Variants in SLC45A2 observed in about 807,000 individuals in gnomAD.
SLC45A2 encodes solute carrier family 45 member 2.
Under a neutral mutation model 45.5 loss-of-function variants are expected in SLC45A2, and 36 were observed. The observed-to-expected ratio is 0.79, with a 90% CI of 0.61 to 1.04. The LOEUF is 1.04. Ranked by LOEUF, SLC45A2 falls within the 50% of genes least tolerant of loss-of-function variation. SLC45A2 has a pLI of 0.00. For missense variants in SLC45A2, 719 were observed against 671.0 expected, an observed-to-expected ratio of 1.07 and a Z score of -0.79; for synonymous variants, 306 against 269.3, an observed-to-expected ratio of 1.14 and a Z score of -1.33.
intron 3 of SLC45A2, among the ~76,000 whole-genome samples, chr5:33,957,431 G>A (rs544558294): frequency 1.3e-5 from 2 of 152,064 alleles, no homozygotes; most frequent in South Asian, 4.1e-4. Context: ...TAATTTTGTT[G>A]TGTAAGTTGA....
In SLC45A2 at chr5:33,982,323, T is replaced by G; in HGVS notation, c.475A>C (p.Ile159Leu). ...AAGTAGGCTTTGATGGGCCCATCAA[T>G]GAAGTCGGCAGCAAAATCAAAGAGA... is the stretch of plus-strand genomic sequence containing the variant. Reference protein sequence around the residue: ...VVLFDFAADFIDGPIKAYLFD... With the variant: ...VVLFDFAADFLDGPIKAYLFD... Residue 159 changes from isoleucine (I) to leucine (L), a missense_variant, in exon 2 of 7, where the codon ATT (isoleucine) becomes CTT (leucine). By Grantham distance (5) the Ile-to-Leu change is conservative (BLOSUM62 2). Coordinates refer to ENST00000296589, the MANE Select transcript of SLC45A2 (RefSeq NM_016180.5). 1 of 1,614,156 alleles carries G rather than the reference T, an allele frequency of 6.2e-7. No homozygotes were observed. The highest frequency in any genetic ancestry group is 8.5e-7 in the Non-Finnish European group (1 of 1,180,024).
intron 5 of SLC45A2, chr5:33,951,320 G>C: frequency 8.6e-7 from 1 of 1,156,408 alleles, no homozygotes; most frequent in Non-Finnish European, 1.2e-6. Context: ...ACTTGATCAG[G>C]AACCCACTGA....
Position 33,984,310 on chromosome 5 carries a change from T to C in SLC45A2, c.274A>G (p.Ser92Gly), listed in dbSNP as rs755311638. The C allele has an allele frequency of 4.0e-5, 64 of 1,613,978 alleles. No homozygotes were observed. The highest frequency in any genetic ancestry group is 1.6e-4 in the Middle Eastern group (1 of 6,084). Residue 92 changes from serine (S) to glycine (G), a missense_variant, in exon 1 of 7, where the codon AGC becomes GGC. Ser to Gly is a moderately conservative substitution (Grantham distance 56). Transcript: ENST00000296589. ...FLLQPVVGSA[S>G]DHCRSRWGRR... is the part of the protein sequence containing the mutation. ...CCCCACCTGGACCGGCAGTGGTCGC[T>C]GGCCGATCCGACCACGGGCTGCAGC...
intron 2 of SLC45A2, among the ~76,000 whole-genome samples, chr5:33,974,683 T>TTCACTCA (rs1752874121): frequency 6.6e-6 from 1 of 152,204 alleles, no homozygotes; most frequent in Non-Finnish European, 1.5e-5. Flanking sequence ...GCTTGTTATT[T>TTCACTCA]TCACTCATCT....
intron 2 of SLC45A2, chr5:33,971,152 G>T (rs1468839952): frequency 1.9e-6 from 1 of 531,518 alleles, no homozygotes; most frequent in Non-Finnish European, 3.9e-6. Context: ...AGGAACAAGA[G>T]TTGCTTTGGA....
intron 2 of SLC45A2, among the ~76,000 whole-genome samples, chr5:33,976,545 T>G (rs1037522296): frequency 6.6e-6 from 1 of 151,974 alleles, no homozygotes; most frequent in Non-Finnish European, 1.5e-5. Flanking sequence ...ACTTTCCCTT[T>G]GCCACCAACT....
chr5:33,947,032 T>C (rs1391983632), intron 6 of SLC45A2, 131 bp downstream of exon 6: 10 of 1,603,394 alleles, frequency 6.2e-6, no homozygotes, highest in Middle Eastern at 2.1e-4. Context: ...TTGCAGTTGG[T>C]TGGGCATTTG....
At chr5:33,980,491 G>A (rs758849339) in intron 2 of SLC45A2, among the ~76,000 whole-genome samples, 2 of 152,176 alleles carry the variant, frequency 1.3e-5, no homozygotes, top group Non-Finnish European at 2.9e-5. Flanking sequence ...ACTTCCACAT[G>A]GCCATTGTCA....
intron 3 of SLC45A2, among the ~76,000 whole-genome samples, chr5:33,963,475 G>T (rs1752507599): frequency 6.6e-6 from 1 of 152,024 alleles, no homozygotes; most frequent in South Asian, 2.1e-4. Context: ...CCTGAGAGGA[G>T]TAAGAGACAG....
At chr5:33,945,875 G>C (rs1367380670) in intron 6 of SLC45A2, 1 of 767,422 alleles carries the variant, frequency 1.3e-6, no homozygotes, top group African/African-American at 1.9e-5. Context: ...ATTTACATTT[G>C]CTTGGTTTTT....
At chr5:33,978,533 G>A (rs1221969313) in intron 2 of SLC45A2, among the ~76,000 whole-genome samples, 1 of 151,898 alleles carries the variant, frequency 6.6e-6, no homozygotes, top group Admixed American at 6.6e-5. Context: ...CAAGAACCTT[G>A]GCTTCCACAA....
Position 33,963,628 on chromosome 5 carries a change from AC to A in SLC45A2, c.888+62del, listed in dbSNP as rs1554055191. ...ACAGACAAAACAAACAATTAAAAAA[AC>A]AACAACAACAACAAAGAGCAAGAAT... is the stretch of plus-strand genomic sequence containing the variant. On this transcript the variant is annotated intron_variant, in intron 3 of 6. Transcript: ENST00000296589. 5.7e-4 allele frequency: 13 copies of A among 22,780 alleles called. No individual in the cohort carries two copies. The Non-Finnish European group carries it at 0.02, about 35-fold the overall frequency. 1.4% of individuals were successfully genotyped at this position (22,780 alleles called of 1,614,324 possible).
In SLC45A2 at chr5:33,970,963, A is replaced by G. The variant is rs558301263; in HGVS notation, c.563-6947T>C. On this transcript the variant is annotated intron_variant, in intron 2 of 6. Transcript: ENST00000296589. Reference sequence around the variant, plus strand: ...TTAAGGAGCTAAGGGAACAATTCAAAGAATTTACCAAACCGTATGAAAAGT... The same window carrying G: ...TTAAGGAGCTAAGGGAACAATTCAAGGAATTTACCAAACCGTATGAAAAGT... The G allele has an allele frequency of 1.4e-3, 681 of 475,560 alleles. 7 individuals are homozygous for G. The highest frequency in any genetic ancestry group is 0.01 in the South Asian group (636 of 62,506). 29.5% of individuals were successfully genotyped at this position (475,560 alleles called of 1,614,324 possible).
chr5:33,952,460 C>T (rs1752138096), intron 4 of SLC45A2, among the ~76,000 whole-genome samples: 1 of 150,870 alleles, frequency 6.6e-6, no homozygotes, highest in African/African-American at 2.4e-5. Flanking sequence ...ATTTACGTGT[C>T]CTATTCTTCC....
intron 6 of SLC45A2, chr5:33,946,841 T>A (rs114794536): frequency 0.048 from 61,581 of 1,295,154 alleles, 1,671 homozygotes; most frequent in Non-Finnish European, 0.056. Context: ...TGGGTCCCCC[T>A]TTTTTTGTCT....
Position 33,984,570 on chromosome 5 carries a change from C to T in SLC45A2, c.14G>A (p.Ser5Asn), listed in dbSNP as rs761049207. The change falls in exon 1 of 7, where the codon AGT (serine) becomes AAT (asparagine). Residue 5 changes from serine (S) to asparagine (N), a missense_variant. By Grantham distance (46) the Ser-to-Asn change is conservative. Coordinates refer to ENST00000296589, the MANE Select transcript of SLC45A2 (RefSeq NM_016180.5). The stretch of plus-strand genomic sequence containing the variant: ...ATAGATGTGGCGGCCAGCCTGCCCA[C>T]TGTTGCTACCCATGGCCACTGGGAG... The part of the protein sequence containing the change: MGSN[S>N]GQAGRHIYKS... 27 of 1,610,174 alleles carry T rather than the reference C, an allele frequency of 1.7e-5. No individual in the cohort carries two copies. The South Asian group carries it at 2.3e-4, about 14-fold the overall frequency.
intron 2 of SLC45A2, chr5:33,972,079 T>C (rs1188422148): frequency 2.0e-6 from 1 of 504,062 alleles, no homozygotes; most frequent in Non-Finnish European, 4.1e-6. Flanking sequence ...CTAGTTCTAT[T>C]GTAGACAAGC....
At chr5:33,972,148 A>C (rs1752799553) in intron 2 of SLC45A2, 1 of 519,470 alleles carries the variant, frequency 1.9e-6, no homozygotes, top group South Asian at 1.4e-5. Context: ...GGGACCATCC[A>C]CCATGCATCA....
intron 4 of SLC45A2, among the ~76,000 whole-genome samples, chr5:33,953,446 T>G (rs1561358403): frequency 6.6e-6 from 1 of 151,492 alleles, no homozygotes; most frequent in Non-Finnish European, 1.5e-5. Flanking sequence ...TGATGGCCAG[T>G]GATGATGAGC....
Sources: gnomAD v4.1 joint callset for allele counts (sites outside exome capture counted in the v4.1 genomes callset) on GRCh38, gnomAD v4.1.1 for gene constraint, MANE v1.5 for transcripts, NCBI Gene and HGNC (gene_info 2026-07-23, HGNC 2026-07-21) for gene names.